KCNQ5: variants seen among roughly 807,000 people sequenced by gnomAD.
KCNQ5 encodes the protein potassium voltage-gated channel subfamily KQT member 5.
KCNQ5 carries 30 observed loss-of-function variants against 98.2 expected under a neutral mutation model. That is an observed-to-expected ratio of 0.31 (90% CI 0.23 to 0.41). The LOEUF is 0.41. Ranked by LOEUF, KCNQ5 falls within the 10% of genes least tolerant of loss-of-function variation. The pLI, the probability that KCNQ5 is intolerant of heterozygous loss-of-function variation, is 1.00. For missense variants in KCNQ5, 835 were observed against 1,182.5 expected, an observed-to-expected ratio of 0.71 and a Z score of 4.31; for synonymous variants, 458 against 449.4, an observed-to-expected ratio of 1.02 and a Z score of -0.24.
chr6:72,974,462 A>G (rs1768059139), intron 1 of KCNQ5, among the ~76,000 whole-genome samples: 1 of 151,446 alleles, frequency 6.6e-6, no homozygotes, highest in South Asian at 2.1e-4. Context: ...TGTGCAGGTG[A>G]TACTTCTGGG....
chr6:73,093,931 G>A (rs968395890), intron 5 of KCNQ5, among the ~76,000 whole-genome samples: 7 of 152,058 alleles, frequency 4.6e-5, no homozygotes, highest in Non-Finnish European at 2.9e-5. Context: ...TTTGTTCCAA[G>A]GTATAGTTTA....
chr6:72,938,287 G>A (rs1582049458), intron 1 of KCNQ5, among the ~76,000 whole-genome samples: 1 of 152,088 alleles, frequency 6.6e-6, no homozygotes, highest in South Asian at 2.1e-4. Flanking sequence ...AATGATCAGG[G>A]GACTTCTATT....
intron 1 of KCNQ5, among the ~76,000 whole-genome samples, chr6:72,773,546 A>G (rs1418853608): frequency 1.3e-5 from 2 of 152,154 alleles, no homozygotes; most frequent in Admixed American, 6.6e-5. Flanking sequence ...GCATGTGTAT[A>G]CCTGTGTAAG....
intron 1 of KCNQ5, among the ~76,000 whole-genome samples, chr6:72,801,381 T>C (rs1358289354): frequency 2.2e-5 from 3 of 135,768 alleles, no homozygotes; most frequent in Non-Finnish European, 4.7e-5. Context: ...CATTATGTAA[T>C]GGCCTTCTTT....
chr6:72,987,684 C>T, intron 1 of KCNQ5: 4 of 598,596 alleles, frequency 6.7e-6, no homozygotes, highest in Non-Finnish European at 1.2e-5. Flanking sequence ...TCTGCTTCTC[C>T]ACCGCCCCCA....
At chr6:72,723,479 T>C (rs972325644) in intron 1 of KCNQ5, among the ~76,000 whole-genome samples, 2 of 152,192 alleles carry the variant, frequency 1.3e-5, no homozygotes, top group African/African-American at 4.8e-5. Flanking sequence ...TGGATAAACA[T>C]CTAATATTTA....
At chr6:72,628,650 C>T (rs1418334796) in intron 1 of KCNQ5, among the ~76,000 whole-genome samples, 1 of 152,118 alleles carries the variant, frequency 6.6e-6, no homozygotes, top group East Asian at 1.9e-4. Context: ...CACTCCGTTG[C>T]CCAGGCTGGA....
intron 1 of KCNQ5, among the ~76,000 whole-genome samples, chr6:72,795,896 T>C (rs1774307291): frequency 6.6e-6 from 1 of 152,160 alleles, no homozygotes; most frequent in Non-Finnish European, 1.5e-5. Context: ...TATATATATG[T>C]TCCTCTGCTC....
chr6:72,932,546 A>G (rs1428018846), intron 1 of KCNQ5, among the ~76,000 whole-genome samples: 1 of 152,240 alleles, frequency 6.6e-6, no homozygotes, highest in East Asian at 1.9e-4. Flanking sequence ...ATAGATGCTT[A>G]CATAGTTTTC....
chr6:72,669,634 T>C (rs761291261), intron 1 of KCNQ5, among the ~76,000 whole-genome samples: 1 of 152,178 alleles, frequency 6.6e-6, no homozygotes, highest in Non-Finnish European at 1.5e-5. Context: ...ATTCTTCCCT[T>C]TCTTTGAAGA....
chr6:72,892,372 A>G (rs985705079), intron 1 of KCNQ5, among the ~76,000 whole-genome samples: 7 of 152,176 alleles, frequency 4.6e-5, no homozygotes, highest in African/African-American at 1.4e-4. Flanking sequence ...TAGTGCCTCA[A>G]TTGGTCAGAG....
chr6:73,084,213 G>T (rs1046019291), intron 5 of KCNQ5, among the ~76,000 whole-genome samples: 40 of 152,310 alleles, frequency 2.6e-4, no homozygotes, highest in African/African-American at 6.5e-4. Flanking sequence ...CAACAAAGGG[G>T]GCGGGATGTG....
intron 3 of KCNQ5, among the ~76,000 whole-genome samples, chr6:73,073,095 T>C (rs1490260000): frequency 6.6e-6 from 1 of 152,222 alleles, no homozygotes; most frequent in Non-Finnish European, 1.5e-5. Context: ...TGATTTATTA[T>C]CCACCTGCTT....
At chr6:72,755,845 G>A (rs1771940838) in intron 1 of KCNQ5, among the ~76,000 whole-genome samples, 1 of 152,004 alleles carries the variant, frequency 6.6e-6, no homozygotes, top group South Asian at 2.1e-4. Context: ...GGTACCATAT[G>A]CATTCTGTCT....
chr6:72,775,374 T>C (rs1241715847), intron 1 of KCNQ5, among the ~76,000 whole-genome samples: 1 of 152,198 alleles, frequency 6.6e-6, no homozygotes, highest in Non-Finnish European at 1.5e-5. Flanking sequence ...GTAAATTTGG[T>C]GTTTCAAAAA....
At chr6:72,715,572 G>A (rs1222164885) in intron 1 of KCNQ5, among the ~76,000 whole-genome samples, 1 of 152,160 alleles carries the variant, frequency 6.6e-6, no homozygotes, top group Non-Finnish European at 1.5e-5. Flanking sequence ...TCTGAAGTCA[G>A]CTCATGCCTT....
At chr6:73,160,076 C>T (rs1192507254) in intron 10 of KCNQ5, among the ~76,000 whole-genome samples, 4 of 152,054 alleles carry the variant, frequency 2.6e-5, no homozygotes, top group African/African-American at 4.8e-5. Flanking sequence ...TGCACTGGCG[C>T]GATCTCGGCT....
intron 1 of KCNQ5, among the ~76,000 whole-genome samples, chr6:72,796,463 C>T (rs1774341778): frequency 6.6e-6 from 1 of 152,078 alleles, no homozygotes; most frequent in African/African-American, 2.4e-5. Context: ...TTCATTAGAG[C>T]TGATAATGAG....
intron 10 of KCNQ5, among the ~76,000 whole-genome samples, chr6:73,156,321 T>C (rs1675395707): frequency 6.6e-6 from 1 of 152,256 alleles, no homozygotes. Flanking sequence ...ACATACTTTA[T>C]TTAAATTCCT....
Sources: allele counts gnomAD v4.1 joint callset (sites outside exome capture counted in the v4.1 genomes callset), GRCh38; gene constraint gnomAD v4.1.1; transcripts MANE v1.5; gene names NCBI Gene and HGNC (gene_info 2026-07-23, HGNC 2026-07-21).